CADPS2: variants seen among roughly 807,000 people sequenced by gnomAD.
CADPS2 encodes calcium dependent secretion activator 2, also known as calcium-dependent secretion activator 2.
In CADPS2, 93 loss-of-function variants were observed where a neutral mutation model predicts 172.5. The ratio of observed to expected loss-of-function variants is 0.54; its 90% CI spans 0.46 to 0.64. The LOEUF (loss-of-function observed/expected upper bound fraction) is 0.64, where lower values mean the gene tolerates loss of function less well. Among genes scored for constraint, CADPS2 ranks in the 30% least tolerant of loss-of-function variants. CADPS2 has a pLI of 0.00. For missense variants in CADPS2, 1,420 were observed against 1,565.9 expected (o/e 0.91, Z 1.57); for synonymous variants, 546 against 555.2 (o/e 0.98, Z 0.23).
intron 1 of CADPS2, among the ~76,000 whole-genome samples, chr7:122,885,585 T>G (rs1351472208): frequency 2.0e-5 from 3 of 152,066 alleles, no homozygotes; most frequent in African/African-American, 7.2e-5. Flanking sequence ...GCTACAACAC[T>G]CATTCAGACC....
At chr7:122,347,131 C>T (rs958147393) in intron 27 of CADPS2, among the ~76,000 whole-genome samples, 1 of 152,154 alleles carries the variant, frequency 6.6e-6, no homozygotes, top group Non-Finnish European at 1.5e-5. Flanking sequence ...TCAGCAGACT[C>T]ATTTGCAAAA....
At chr7:122,738,502 T>C (rs1381000613) in intron 1 of CADPS2, among the ~76,000 whole-genome samples, 1 of 152,066 alleles carries the variant, frequency 6.6e-6, no homozygotes, top group East Asian at 1.9e-4. Context: ...GAATGATCCT[T>C]CCATTTCATT....
intron 7 of CADPS2, among the ~76,000 whole-genome samples, chr7:122,577,470 G>T (rs141423301): frequency 6.6e-6 from 1 of 151,296 alleles, no homozygotes; most frequent in Non-Finnish European, 1.5e-5. Context: ...ATTTACATTC[G>T]TCTATGCCAC....
At chr7:122,850,076 C>A in intron 1 of CADPS2, 1 of 1,371,482 alleles carries the variant, frequency 7.3e-7, no homozygotes. Flanking sequence ...TGCTTGGCAA[C>A]AGCACAGACC....
At chr7:122,703,014 C>T in intron 2 of CADPS2, 1 of 408,108 alleles carries the variant, frequency 2.5e-6, no homozygotes, top group Non-Finnish European at 4.4e-6. Context: ...GAAATTATGA[C>T]ATCAGAGGTA....
intron 1 of CADPS2, among the ~76,000 whole-genome samples, chr7:122,749,408 C>A (rs938353232): frequency 6.6e-6 from 1 of 152,102 alleles, no homozygotes; most frequent in African/African-American, 2.4e-5. Flanking sequence ...CTGCTCTGTC[C>A]TGGCCTATCC....
At position 122,482,307 on chromosome 7, in the gene CADPS2, C is replaced by A. The variant is rs900390271; in HGVS notation, c.1853-1447G>T. ...TACCCTCTGGGACATTTGGCAATGT[C>A]CAGAGATATTTTTGGTTGTCTGACC... On this transcript the variant is annotated intron_variant, in intron 11 of 29. Coordinates refer to ENST00000449022, the MANE Select transcript of CADPS2 (RefSeq NM_017954.11). Among the ~76,000 whole-genome samples, 28 of 152,182 alleles carry A rather than the reference C, an allele frequency of 1.8e-4. No individual in the cohort carries two copies. The East Asian group carries it at 4.8e-3, about 26-fold the overall frequency.
intron 20 of CADPS2, among the ~76,000 whole-genome samples, chr7:122,405,814 T>C (rs2046574157): frequency 6.6e-6 from 1 of 152,124 alleles, no homozygotes; most frequent in Admixed American, 6.5e-5. Flanking sequence ...TCTTTGGAAA[T>C]GAAATGAAAT....
chr7:122,861,347 ATAAT>A (rs1816896336), intron 1 of CADPS2, among the ~76,000 whole-genome samples: 1 of 152,174 alleles, frequency 6.6e-6, no homozygotes, highest in African/African-American at 2.4e-5. Context: ...CATTTCCCCG[ATAAT>A]TAGTGATATT....
At chr7:122,549,620 TA>T (rs34608490) in intron 8 of CADPS2, among the ~76,000 whole-genome samples, 48 of 147,194 alleles carry the variant, frequency 3.3e-4, no homozygotes, top group Non-Finnish European at 3.3e-4. Flanking sequence ...GACTCTGTCT[TA>T]AAAAAAAAAG....
chr7:122,320,033 T>C lies in CADPS2; in HGVS notation c.*132A>G, dbSNP rs538944455. ...TTCCCCTTTTACTCTACATTCAGGC[T>C]TACTTTTTAAAGAAATACAAGCATT... On this transcript the variant is annotated 3_prime_UTR_variant, in exon 30 of 30. Transcript: ENST00000449022. 12 of 933,896 alleles carry C rather than the reference T, an allele frequency of 1.3e-5. No homozygotes were observed. In the South Asian group the frequency reaches 3.9e-4, roughly 30 times the overall value. The allele number at this position is 933,896 out of a possible 1,614,324, so 57.9% of individuals were successfully genotyped here.
At chr7:122,704,436 T>G (rs2136353729) in intron 2 of CADPS2, among the ~76,000 whole-genome samples, 1 of 152,042 alleles carries the variant, frequency 6.6e-6, no homozygotes, top group East Asian at 1.9e-4. Flanking sequence ...AAGAAGACGG[T>G]TTAACATCAT....
intron 3 of CADPS2, among the ~76,000 whole-genome samples, chr7:122,660,606 T>TA (rs34544622): frequency 0.66 from 95,948 of 146,310 alleles, 31,654 homozygotes; most frequent in East Asian, 0.94. Flanking sequence ...AGTCTGGATT[T>TA]AAAAAAAAAA....
chr7:122,627,054 C>T (rs1036170224), intron 4 of CADPS2, among the ~76,000 whole-genome samples: 7 of 152,324 alleles, frequency 4.6e-5, no homozygotes, highest in African/African-American at 1.7e-4. Context: ...TTATTAACCA[C>T]TCTTCTGGAA....
intron 25 of CADPS2, among the ~76,000 whole-genome samples, chr7:122,367,761 T>C (rs1207542388): frequency 6.1e-5 from 9 of 147,548 alleles, no homozygotes. Flanking sequence ...AAAAGTTTAT[T>C]ATGGTATAGT....
intron 16 of CADPS2, among the ~76,000 whole-genome samples, chr7:122,439,620 T>C (rs922849099): frequency 4.6e-5 from 7 of 152,132 alleles, no homozygotes; most frequent in Admixed American, 6.6e-5. Context: ...TTTAAATATT[T>C]TGTTAGGCAA....
intron 1 of CADPS2, among the ~76,000 whole-genome samples, chr7:122,802,339 T>C (rs1394545390): frequency 6.6e-6 from 1 of 152,230 alleles, no homozygotes; most frequent in Non-Finnish European, 1.5e-5. Context: ...CAAGCTGTGC[T>C]GTTTCCTGCC....
In CADPS2 at chr7:122,471,437, G is replaced by T. The variant is rs746744903; in HGVS notation, c.2124C>A (p.Val708=). ...ELMEHSENGA[V]IDPTLLHYSF... ...TGTAATGGAGCAGGGTAGGGTCAATGACAGCACCATTTTCTGAATGTTCCA... is the reference window on the plus strand; with the variant it reads ...TGTAATGGAGCAGGGTAGGGTCAATTACAGCACCATTTTCTGAATGTTCCA... The change falls in exon 14 of 30, where the codon GTC becomes GTA. Residue 708 remains valine, a synonymous_variant. Coordinates refer to ENST00000449022, the MANE Select transcript of CADPS2 (RefSeq NM_017954.11). The T allele has an allele frequency of 6.2e-7, 1 of 1,613,586 alleles. No homozygotes were observed. Among genetic ancestry groups the T allele is most frequent in the Non-Finnish European group, 8.5e-7 (1 of 1,179,714 alleles).
chr7:122,884,764 C>A (rs1563250963), intron 1 of CADPS2, among the ~76,000 whole-genome samples: 2 of 152,140 alleles, frequency 1.3e-5, no homozygotes, highest in African/African-American at 2.4e-5. Flanking sequence ...TACTTATACA[C>A]CTATGAAACC....
Sources: gnomAD v4.1 joint callset for allele counts (sites outside exome capture counted in the v4.1 genomes callset) on GRCh38, gnomAD v4.1.1 for gene constraint, MANE v1.5 for transcripts, NCBI Gene and HGNC (gene_info 2026-07-23, HGNC 2026-07-21) for gene names.